The following FAM98B variants were observed in gnomAD, a reference collection of about 807,000 sequenced individuals.
FAM98B encodes tRNA-splicing ligase complex subunit FAM98B.
Under a neutral mutation model 43.9 loss-of-function variants are expected in FAM98B, and 32 were observed. The ratio of observed to expected loss-of-function variants is 0.73; its 90% CI spans 0.55 to 0.98. The LOEUF (loss-of-function observed/expected upper bound fraction) is 0.98. FAM98B is among the 50% of genes least tolerant of loss of function. The pLI is 0.00. For synonymous variants in FAM98B, 190 were observed against 174.0 expected, an observed-to-expected ratio of 1.09 and a Z score of -0.72; for missense variants, 514 against 522.9, an observed-to-expected ratio of 0.98 and a Z score of 0.17.
chr15:38,467,339 A>G (rs1471081407), intron 3 of FAM98B, among the ~76,000 whole-genome samples: 1 of 152,222 alleles, frequency 6.6e-6, no homozygotes, highest in East Asian at 1.9e-4. Flanking sequence ...AGCTTTTATA[A>G]ATCAACAGGA....
At chr15:38,477,174 G>A (rs1175497647) in intron 6 of FAM98B, among the ~76,000 whole-genome samples, 1 of 139,328 alleles carries the variant, frequency 7.2e-6, no homozygotes, top group Non-Finnish European at 1.6e-5. Flanking sequence ...AAGCCTATTG[G>A]GAACTACAGT....
At chr15:38,459,997 A>G (rs1889921827) in intron 1 of FAM98B, among the ~76,000 whole-genome samples, 1 of 152,198 alleles carries the variant, frequency 6.6e-6, no homozygotes, top group Admixed American at 6.5e-5. Flanking sequence ...CTTCTGTTTT[A>G]TCTCTTGGCT....
intron 7 of FAM98B, chr15:38,482,014 T>A (rs1448547794): frequency 1.8e-5 from 3 of 167,490 alleles, no homozygotes; most frequent in African/African-American, 7.2e-5. Flanking sequence ...ACAACAGCAA[T>A]AACAATAAAG....
At chr15:38,480,543 T>C (rs1372085513) in intron 6 of FAM98B, among the ~76,000 whole-genome samples, 1 of 151,996 alleles carries the variant, frequency 6.6e-6, no homozygotes, top group African/African-American at 2.4e-5. Context: ...ATTCTCTCTA[T>C]ATTTTGGGGA....
chr15:38,481,813 G>A, intron 7 of FAM98B: 1 of 469,204 alleles, frequency 2.1e-6, no homozygotes, highest in East Asian at 4.2e-5. Flanking sequence ...TGGTGTAAAG[G>A]GAAGAAGAGT....
chr15:38,483,772 C>A (rs143806054), intron 7 of FAM98B: 1,690 of 147,526 alleles, frequency 0.011, 18 homozygotes, highest in Non-Finnish European at 0.019. Context: ...TTTTTAAAAC[C>A]ATTCATTTTT....
At chr15:38,457,851 A>T (rs749153199) in intron 1 of FAM98B, among the ~76,000 whole-genome samples, 1 of 152,158 alleles carries the variant, frequency 6.6e-6, no homozygotes, top group Non-Finnish European at 1.5e-5. Context: ...AGTGATAATG[A>T]TGCTATTTTG....
At chr15:38,465,531 A>G (rs1202338833) in intron 3 of FAM98B, 128 bp downstream of exon 3, 1 of 831,116 alleles carries the variant, frequency 1.2e-6, no homozygotes, top group Non-Finnish European at 1.7e-6. Context: ...CTTAAAATAC[A>G]AAGCTATCTC....
Position 38,464,018 on chromosome 15 carries a change from T to G in FAM98B, c.72-14T>G. 6.3e-7 allele frequency: 1 copy of G among 1,581,290 alleles called. No homozygotes were observed. The highest frequency in any genetic ancestry group is 8.6e-7 in the Non-Finnish European group (1 of 1,164,080). ...GGCTTATTTAGTTTTTAACTTGTAT[T>G]TCTTCCTTTCTAGGTATAAAGGACC... On this transcript the variant is annotated splice_polypyrimidine_tract_variant and intron_variant, in intron 1 of 7. Coordinates refer to ENST00000397609, the MANE Select transcript of FAM98B (RefSeq NM_173611.4).
chr15:38,475,477 A>T (rs1007492574), intron 6 of FAM98B, among the ~76,000 whole-genome samples: 2 of 152,160 alleles, frequency 1.3e-5, no homozygotes, highest in Non-Finnish European at 2.9e-5. Context: ...TTAGGGGAGA[A>T]TCTGTTTCCT....
chr15:38,484,618 G>GGTA lies in FAM98B; in HGVS notation c.1263_1264insAGT (p.Gly421_Gly422insSer). The GGTA allele has an allele frequency of 1.3e-6, 2 of 1,506,700 alleles. No homozygotes were observed. Among genetic ancestry groups the GGTA allele is most frequent in the East Asian group, 5.1e-5 (2 of 38,838 alleles). The allele number at this position is 1,506,700 out of a possible 1,614,324, so 93.3% of individuals were successfully genotyped here. On this transcript the variant is annotated inframe_insertion, in exon 8 of 8. Transcript: ENST00000397609. ...TCCATATGGAGGAGGTGGTGGTGGT[G>GGTA]GTGGTGGTGGTGGTGGAGGAGGTGG...
intron 6 of FAM98B, among the ~76,000 whole-genome samples, chr15:38,478,478 C>A (rs147726260): frequency 1.3e-5 from 2 of 152,128 alleles, no homozygotes; most frequent in Admixed American, 6.5e-5. Context: ...TCCCTATTTT[C>A]GTGATAGAAA....
At chr15:38,483,938 T>C (rs1890324924) in intron 7 of FAM98B, among the ~76,000 whole-genome samples, 2 of 151,966 alleles carry the variant, frequency 1.3e-5, no homozygotes, top group Admixed American at 6.6e-5. Flanking sequence ...CTCTCAAACA[T>C]TTATCATCTC....
At chr15:38,454,755 A>G (rs1473687232) in intron 1 of FAM98B, among the ~76,000 whole-genome samples, 1 of 152,180 alleles carries the variant, frequency 6.6e-6, no homozygotes, top group Non-Finnish European at 1.5e-5. Flanking sequence ...GTCAACGTGT[A>G]TATTAGCTTG....
At chr15:38,458,762 G>C (rs1889893528) in intron 1 of FAM98B, 1 of 368,798 alleles carries the variant, frequency 2.7e-6, no homozygotes, top group Non-Finnish European at 5.3e-6. Context: ...TAAGAGGCCT[G>C]CCCCTACCCA....
At chr15:38,477,884 G>A (rs1197694179) in intron 6 of FAM98B, among the ~76,000 whole-genome samples, 1 of 152,188 alleles carries the variant, frequency 6.6e-6, no homozygotes, top group Admixed American at 6.5e-5. Flanking sequence ...CAGATGACAT[G>A]ATTGCTTACC....
intron 1 of FAM98B, among the ~76,000 whole-genome samples, chr15:38,460,916 T>C (rs1040480833): frequency 6.6e-6 from 1 of 152,230 alleles, no homozygotes; most frequent in Admixed American, 6.5e-5. Context: ...ATAAATTGTT[T>C]AGCACTGACC....
chr15:38,468,141 G>T (rs141196707), intron 3 of FAM98B, among the ~76,000 whole-genome samples: 1 of 152,308 alleles, frequency 6.6e-6, no homozygotes, highest in African/African-American at 2.4e-5. Context: ...ATTACATGGA[G>T]AAAGCATGTT....
At chr15:38,482,303 C>G (rs1403874161) in intron 7 of FAM98B, 1 of 152,206 alleles carries the variant, frequency 6.6e-6, no homozygotes, top group Non-Finnish European at 1.5e-5. Flanking sequence ...AAAGTGTTCT[C>G]TCTTTAAATA....
Sources: allele counts gnomAD v4.1 joint callset (sites outside exome capture counted in the v4.1 genomes callset), GRCh38; gene constraint gnomAD v4.1.1; transcripts MANE v1.5; gene names NCBI Gene and HGNC (gene_info 2026-07-23, HGNC 2026-07-21).